The following ROR1 variants were observed in gnomAD, a reference collection of about 807,000 sequenced individuals.
ROR1 encodes ROR family WNT receptor 1.
In ROR1, 19 loss-of-function variants were observed where a neutral mutation model predicts 78.8. The observed-to-expected ratio is 0.24, with a 90% confidence interval of 0.17 to 0.35. ROR1 has a LOEUF of 0.35. Among genes scored for constraint, ROR1 ranks in the 10% least tolerant of loss-of-function variants. ROR1 has a pLI of 1.00. For synonymous variants in ROR1, 386 were observed against 433.6 expected (o/e 0.89, Z 1.36); for missense variants, 917 against 1,177.8 (o/e 0.78, Z 3.24).
At chr1:63,781,480 C>T (rs1644651000) in intron 1 of ROR1, among the ~76,000 whole-genome samples, 1 of 152,080 alleles carries the variant, frequency 6.6e-6, no homozygotes, top group African/African-American at 2.4e-5. Flanking sequence ...TTTTGTTATC[C>T]TTAAAGTGTG....
intron 1 of ROR1, among the ~76,000 whole-genome samples, chr1:63,954,190 A>G (rs1027281001): frequency 6.6e-6 from 1 of 152,186 alleles, no homozygotes; most frequent in African/African-American, 2.4e-5. Context: ...CTCCACTTTT[A>G]CTAATTGGTA....
chr1:63,836,574 A>G (rs567265219), intron 1 of ROR1, among the ~76,000 whole-genome samples: 1 of 152,326 alleles, frequency 6.6e-6, no homozygotes, highest in African/African-American at 2.4e-5. Context: ...CAGAGGTTAT[A>G]AACAGAAAGA....
At chr1:64,041,773 T>G (rs1274981457) in intron 2 of ROR1, among the ~76,000 whole-genome samples, 2 of 152,212 alleles carry the variant, frequency 1.3e-5, no homozygotes, top group East Asian at 3.8e-4. Flanking sequence ...CAAGAAAATG[T>G]GTTCGGCCAG....
rs1009989554 is a variant in ROR1, at chr1:63,864,358, A to G, written c.91+89850A>G. ...CACAGGCTAAGAAAGCAGTTGTATC[A>G]GCTTACTTGTGGCTCTAAACTTGGC... is the stretch of plus-strand genomic sequence containing the variant. On this transcript the variant is annotated intron_variant, in intron 1 of 8. Transcript: ENST00000371079. 3.3e-5 allele frequency among the ~76,000 whole-genome samples: 5 copies of G among 152,336 alleles called. No homozygotes were observed. The East Asian group carries it at 9.6e-4, about 29-fold the overall frequency.
At chr1:64,056,264 G>C (rs1295441691) in intron 4 of ROR1, among the ~76,000 whole-genome samples, 1 of 152,132 alleles carries the variant, frequency 6.6e-6, no homozygotes, top group African/African-American at 2.4e-5. Context: ...GTTTTCCAAA[G>C]AGGCTGCAGC....
chr1:64,165,380 G>A (rs748052530), intron 8 of ROR1, among the ~76,000 whole-genome samples: 28 of 152,232 alleles, frequency 1.8e-4, no homozygotes, highest in Non-Finnish European at 2.4e-4. Flanking sequence ...TTGGCCACAC[G>A]TATGTCTTCT....
chr1:64,172,654 C>T (rs1040611062), intron 8 of ROR1, among the ~76,000 whole-genome samples: 1 of 152,182 alleles, frequency 6.6e-6, no homozygotes, highest in Non-Finnish European at 1.5e-5. Context: ...GTGTATTTTA[C>T]ACTTCTTTAC....
chr1:64,123,169 A>G (rs1648602347), intron 4 of ROR1, among the ~76,000 whole-genome samples: 1 of 152,172 alleles, frequency 6.6e-6, no homozygotes, highest in Non-Finnish European at 1.5e-5. Context: ...GACACCAGAG[A>G]TCATTTAAAT....
chr1:63,861,878 T>C (rs935274027), intron 1 of ROR1, among the ~76,000 whole-genome samples: 7 of 152,164 alleles, frequency 4.6e-5, no homozygotes, highest in African/African-American at 1.2e-4. Flanking sequence ...TATAGGACTT[T>C]AGAGTGGAGA....
intron 1 of ROR1, among the ~76,000 whole-genome samples, chr1:63,862,772 C>T (rs770996044): frequency 3.9e-5 from 6 of 152,062 alleles, no homozygotes; most frequent in African/African-American, 9.7e-5. Flanking sequence ...GGGAACACTG[C>T]GCCTCAGTGT....
In ROR1 at chr1:64,131,177, G is replaced by C. The variant is rs1404847833; in HGVS notation, c.483-6192G>C. ...GAGCTGTGTGATGACTTTCCTTCAAGGGTTTTAGGGGCAGCCATCTTGATG... is the reference window on the plus strand; with the variant it reads ...GAGCTGTGTGATGACTTTCCTTCAACGGTTTTAGGGGCAGCCATCTTGATG... On this transcript the variant is annotated intron_variant, in intron 4 of 8. Coordinates refer to ENST00000371079, the MANE Select transcript of ROR1 (RefSeq NM_005012.4). Among the ~76,000 whole-genome samples, 7 of 152,140 alleles carry C rather than the reference G, an allele frequency of 4.6e-5. No homozygotes were observed. In the South Asian group the frequency reaches 1.5e-3, roughly 32 times the overall value.
intron 4 of ROR1, among the ~76,000 whole-genome samples, chr1:64,078,750 A>G (rs1249625890): frequency 6.6e-6 from 1 of 152,174 alleles, no homozygotes; most frequent in East Asian, 1.9e-4. Context: ...AGGGGGCAGA[A>G]GGAAAAGATA....
intron 4 of ROR1, among the ~76,000 whole-genome samples, chr1:64,056,087 G>A (rs1394556458): frequency 1.3e-5 from 2 of 152,124 alleles, no homozygotes; most frequent in Non-Finnish European, 2.9e-5. Context: ...TCTGTTGATG[G>A]ACATTTGGGT....
At chr1:63,949,158 T>C (rs11208324) in intron 1 of ROR1, among the ~76,000 whole-genome samples, 49,852 of 151,898 alleles carry the variant, frequency 0.33, 12,274 homozygotes, top group African/African-American at 0.7. Flanking sequence ...CAGGAGTGAG[T>C]GCTTGCACAG....
At chr1:63,931,690 T>G (rs1405647619) in intron 1 of ROR1, among the ~76,000 whole-genome samples, 4 of 152,182 alleles carry the variant, frequency 2.6e-5, no homozygotes, top group African/African-American at 9.7e-5. Flanking sequence ...AGCCTATTAG[T>G]CACTTCATAG....
chr1:64,068,124 G>T (rs528762642), intron 4 of ROR1, among the ~76,000 whole-genome samples: 1 of 152,236 alleles, frequency 6.6e-6, no homozygotes, highest in Middle Eastern at 3.4e-3. Flanking sequence ...ACAAAATGCT[G>T]TCAATTACAA....
At chr1:63,820,488 G>A (rs1181131062) in intron 1 of ROR1, among the ~76,000 whole-genome samples, 3 of 152,336 alleles carry the variant, frequency 2.0e-5, no homozygotes, top group East Asian at 3.9e-4. Flanking sequence ...AAATGCCCCA[G>A]TAGAACTGAA....
At chr1:64,170,480 C>T (rs1042108794) in intron 8 of ROR1, among the ~76,000 whole-genome samples, 1 of 152,172 alleles carries the variant, frequency 6.6e-6, no homozygotes, top group Non-Finnish European at 1.5e-5. Context: ...GCCCACAAAA[C>T]CATTTTCTCC....
At chr1:64,050,610 T>G (rs1646820847) in intron 3 of ROR1, 76 bp from the exon 4 acceptor site, 5 of 1,342,624 alleles carry the variant, frequency 3.7e-6, no homozygotes, top group Non-Finnish European at 4.3e-6. Context: ...TAATTTGTAA[T>G]GATTTGACTG....
Sources: allele counts gnomAD v4.1 joint callset (sites outside exome capture counted in the v4.1 genomes callset), GRCh38; gene constraint gnomAD v4.1.1; transcripts MANE v1.5; gene names NCBI Gene and HGNC (gene_info 2026-07-23, HGNC 2026-07-21).